The following TASP1 variants were observed in gnomAD, a reference collection of about 807,000 sequenced individuals.
TASP1 encodes the protein taspase 1, also known as threonine aspartase 1.
TASP1 carries 16 observed loss-of-function variants against 56.6 expected under a neutral mutation model. The ratio of observed to expected loss-of-function variants is 0.28; its 90% CI spans 0.19 to 0.43. TASP1 has a LOEUF of 0.43. Ranked by LOEUF, TASP1 falls within the 20% of genes least tolerant of loss-of-function variation. The pLI is 1.00. For missense variants in TASP1, 393 were observed against 511.6 expected (o/e 0.77, Z 2.24); for synonymous variants, 179 against 184.2 (o/e 0.97, Z 0.23).
the TASP1 span, among the ~76,000 whole-genome samples, chr20:13,320,082 G>A: frequency 0.014 from 2,057 of 152,302 alleles, 26 homozygotes; most frequent in Middle Eastern, 0.034. Flanking sequence ...AGGTGAAGTT[G>A]TAGAGAAAGC....
chr20:13,326,343 C>A, the TASP1 span, among the ~76,000 whole-genome samples: 2 of 151,998 alleles, frequency 1.3e-5, no homozygotes, highest in Non-Finnish European at 2.9e-5. Flanking sequence ...GGAGTGGGAC[C>A]GTTGGGTCAT....
At chr20:13,467,977 T>C (rs1050251498) in intron 11 of TASP1, among the ~76,000 whole-genome samples, 14 of 150,138 alleles carry the variant, frequency 9.3e-5, no homozygotes, top group African/African-American at 2.9e-4. Context: ...GGTTGCACCA[T>C]TGCATTCCAG....
intron 8 of TASP1, among the ~76,000 whole-genome samples, chr20:13,550,637 G>C (rs574038737): frequency 6.6e-6 from 1 of 151,978 alleles, no homozygotes; most frequent in Non-Finnish European, 1.5e-5. Context: ...TCAACTTCTT[G>C]AGCAATATGA....
intron 11 of TASP1, among the ~76,000 whole-genome samples, chr20:13,448,759 C>T (rs1240348261): frequency 6.6e-6 from 1 of 151,998 alleles, no homozygotes; most frequent in Non-Finnish European, 1.5e-5. Flanking sequence ...TCAGTTCTTA[C>T]TCTGCTATCT....
chr20:13,533,180 G>A (rs993148325), intron 9 of TASP1, among the ~76,000 whole-genome samples: 1 of 152,124 alleles, frequency 6.6e-6, no homozygotes, highest in South Asian at 2.1e-4. Context: ...CTTCAAATGT[G>A]ACAAAGTACA....
At chr20:13,145,311 T>C in the TASP1 span, among the ~76,000 whole-genome samples, 1 of 152,104 alleles carries the variant, frequency 6.6e-6, no homozygotes, top group African/African-American at 2.4e-5. Context: ...AAAATCAATG[T>C]ACTAAAATCA....
chr20:13,337,352 C>G, the TASP1 span, among the ~76,000 whole-genome samples: 1 of 152,184 alleles, frequency 6.6e-6, no homozygotes, highest in Non-Finnish European at 1.5e-5. Flanking sequence ...AGAGCCAAGT[C>G]TAGACCTTGC....
the TASP1 span, among the ~76,000 whole-genome samples, chr20:13,219,692 GATGCTTCAGGC>G: frequency 6.6e-6 from 1 of 152,122 alleles, no homozygotes; most frequent in East Asian, 1.9e-4. Context: ...GAATTTTAAA[GATGCTTCAGGC>G]ATCTTTAAGG....
chr20:13,543,306 A>C (rs930994595), intron 8 of TASP1, among the ~76,000 whole-genome samples: 14 of 152,150 alleles, frequency 9.2e-5, no homozygotes, highest in African/African-American at 3.4e-4. Context: ...AATTCCAGAA[A>C]AAGATTTCTT....
At chr20:13,451,515 G>C (rs1568819350) in intron 11 of TASP1, among the ~76,000 whole-genome samples, 1 of 152,024 alleles carries the variant, frequency 6.6e-6, no homozygotes, top group Non-Finnish European at 1.5e-5. Context: ...GCTTCTTCTT[G>C]CATTTTTATA....
chr20:13,492,580 G>T (rs1251734765), intron 10 of TASP1, among the ~76,000 whole-genome samples: 1 of 152,220 alleles, frequency 6.6e-6, no homozygotes. Context: ...TATATACAAG[G>T]GGAAAACATA....
At chr20:13,107,410 T>A in the TASP1 span, among the ~76,000 whole-genome samples, 2 of 151,760 alleles carry the variant, frequency 1.3e-5, no homozygotes, top group Non-Finnish European at 2.9e-5. Flanking sequence ...TGAAAAATGG[T>A]GTCCAGATGG....
intron 10 of TASP1, among the ~76,000 whole-genome samples, chr20:13,500,119 C>T (rs1206774534): frequency 6.6e-6 from 1 of 150,762 alleles, no homozygotes; most frequent in Admixed American, 6.6e-5. Context: ...ACACACACAC[C>T]CTGGACCTAT....
At chr20:13,358,383 C>T in the TASP1 span, among the ~76,000 whole-genome samples, 20 of 152,324 alleles carry the variant, frequency 1.3e-4, no homozygotes, top group East Asian at 1.2e-3. Flanking sequence ...ATCAATCCCC[C>T]GTCCTCCTGC....
chr20:13,222,026 A>G, the TASP1 span: 1 of 1,035,012 alleles, frequency 9.7e-7, no homozygotes, highest in Non-Finnish European at 1.3e-6. Flanking sequence ...GCCCCACCTA[A>G]GAGCAACTGT....
chr20:13,176,778 T>C, the TASP1 span, among the ~76,000 whole-genome samples: 1,973 of 152,302 alleles, frequency 0.013, 17 homozygotes, highest in Non-Finnish European at 0.021. Context: ...GGATACAAAA[T>C]TAATATACAA....
the TASP1 span, among the ~76,000 whole-genome samples, chr20:13,129,923 T>A: frequency 6.6e-6 from 1 of 152,116 alleles, no homozygotes; most frequent in Non-Finnish European, 1.5e-5. Flanking sequence ...ACTTTACTCC[T>A]CTTGTCATCT....
the TASP1 span, among the ~76,000 whole-genome samples, chr20:13,381,350 C>T: frequency 2.0e-5 from 3 of 152,204 alleles, no homozygotes; most frequent in African/African-American, 7.2e-5. Context: ...ACCCTTTGCA[C>T]TTCCCAGGTG....
chr20:13,374,585 T>G, the TASP1 span, among the ~76,000 whole-genome samples: 8 of 152,142 alleles, frequency 5.3e-5, no homozygotes, highest in Admixed American at 5.2e-4. Flanking sequence ...CCTGACCTTG[T>G]GATCTGCCCG....
Sources: allele counts gnomAD v4.1 joint callset (sites outside exome capture counted in the v4.1 genomes callset), GRCh38; gene constraint gnomAD v4.1.1; transcripts MANE v1.5; gene names NCBI Gene and HGNC (gene_info 2026-07-23, HGNC 2026-07-21).